The following TENM4 variants were observed in gnomAD, a reference collection of about 807,000 sequenced individuals.
TENM4 encodes teneurin transmembrane protein 4.
Under a neutral mutation model 243.3 loss-of-function variants are expected in TENM4, and 82 were observed. The ratio of observed to expected loss-of-function variants is 0.34; its 90% CI spans 0.28 to 0.40. The LOEUF (loss-of-function observed/expected upper bound fraction) is 0.40. Ranked by LOEUF, TENM4 falls within the 10% of genes least tolerant of loss-of-function variation. The probability of loss-of-function intolerance (pLI) is 1.00; values close to 1 mark genes in which losing one functional copy is unlikely to be tolerated. For missense variants in TENM4, 3,138 were observed against 3,673.3 expected, an observed-to-expected ratio of 0.85 and a Z score of 3.77; for synonymous variants, 1,412 against 1,456.3, an observed-to-expected ratio of 0.97 and a Z score of 0.69.
chr11:79,265,473 AAAC>A (rs1289740575), intron 2 of TENM4, among the ~76,000 whole-genome samples: 1 of 152,264 alleles, frequency 6.6e-6, no homozygotes, highest in Non-Finnish European at 1.5e-5. Flanking sequence ...TTAAATTTTT[AAAC>A]AAATTACATG....
At chr11:78,824,417 C>T (rs1239079124) in intron 12 of TENM4, among the ~76,000 whole-genome samples, 1 of 151,924 alleles carries the variant, frequency 6.6e-6, no homozygotes, top group African/African-American at 2.4e-5. Context: ...AGGACAGTAC[C>T]GAGGGGGATA....
rs573541267 is a variant in TENM4 at position 79,193,155 on chromosome 11, G to A, written c.-163+22653C>T. 1.7e-4 allele frequency: 26 copies of A among 152,356 alleles called. 1 individual carries two copies. Among genetic ancestry groups the A allele is most frequent in the African/African-American group, 5.8e-4 (24 of 41,574 alleles). 9.4% of individuals were successfully genotyped at this position (152,356 alleles called of 1,614,324 possible). ...AGGACTGAAAAGAAGGCTTCATAAT[G>A]ATGGGTACCATTTCTGGAGCAGCTC... is the stretch of plus-strand genomic sequence containing the variant. On this transcript the variant is annotated intron_variant, in intron 3 of 33. Transcript: ENST00000278550.
At position 79,091,920 on chromosome 11, in the gene TENM4, A is replaced by T. The variant is rs149182590; in HGVS notation, c.-65-21911T>A. Among the ~76,000 whole-genome samples, 341 of 152,030 alleles carry T rather than the reference A, an allele frequency of 2.2e-3. 2 individuals carry two copies. The highest frequency in any genetic ancestry group is 7.8e-3 in the African/African-American group (322 of 41,452). ...GGCTGCCAGCTGTAATTCCTTCCTAACTTGGGAGTCACGCTTAAATCCTCC... is the reference window on the plus strand; with the variant it reads ...GGCTGCCAGCTGTAATTCCTTCCTATCTTGGGAGTCACGCTTAAATCCTCC... On this transcript the variant is annotated intron_variant, in intron 4 of 33. Transcript: ENST00000278550.
chr11:78,883,319 T>A (rs1251640310), intron 9 of TENM4, among the ~76,000 whole-genome samples: 1 of 152,172 alleles, frequency 6.6e-6, no homozygotes, highest in African/African-American at 2.4e-5. Context: ...ATACTATTAT[T>A]CCTCCCACTT....
At position 78,784,300 on chromosome 11, in the gene TENM4, C is replaced by T. The variant is rs555808802; in HGVS notation, c.2365+2598G>A. On this transcript the variant is annotated intron_variant, in intron 16 of 33. Transcript: ENST00000278550. The stretch of plus-strand genomic sequence containing the variant: ...ACCATCAAAGACTAAAAATGGATTT[C>T]CCCTTCTCATTTCTATTTCAACAAG... Among the ~76,000 whole-genome samples, 8 of 152,256 alleles carry T rather than the reference C, an allele frequency of 5.3e-5. No individual in the cohort carries two copies. In the South Asian group the frequency reaches 1.5e-3, roughly 28 times the overall value.
chr11:79,067,610 C>T (rs764926926), intron 5 of TENM4, among the ~76,000 whole-genome samples: 130 of 35,684 alleles, frequency 3.6e-3, no homozygotes, highest in Admixed American at 9.7e-3. Flanking sequence ...TAAGACATCT[C>T]GGGACTAGGA....
intron 1 of TENM4, among the ~76,000 whole-genome samples, chr11:79,394,856 G>T (rs1858308707): frequency 1.3e-5 from 2 of 152,156 alleles, no homozygotes; most frequent in Middle Eastern, 3.2e-3. Context: ...AGATAGCCAT[G>T]TGAGGGCGGA....
intron 1 of TENM4, among the ~76,000 whole-genome samples, chr11:79,368,738 T>C (rs1324419865): frequency 6.6e-6 from 1 of 152,240 alleles, no homozygotes; most frequent in Non-Finnish European, 1.5e-5. Context: ...GAGTGAATAA[T>C]GCAGATAAGG....
rs527368773 is a variant in TENM4, at chr11:79,382,027, G to T, written c.-321+58482C>A. ...GTCACATTTAGGGAGCATTTGGCAC[G>T]TGCCAGATATGGTGGTAGAATATTT... On this transcript the variant is annotated intron_variant, in intron 1 of 33. Transcript: ENST00000278550. 7.3e-4 allele frequency among the ~76,000 whole-genome samples: 111 copies of T among 152,298 alleles called. 3 individuals are homozygous for T. In the South Asian group the frequency reaches 0.023, roughly 31 times the overall value.
At chr11:79,368,450 T>G (rs1255437024) in intron 1 of TENM4, among the ~76,000 whole-genome samples, 1 of 152,174 alleles carries the variant, frequency 6.6e-6, no homozygotes, top group Non-Finnish European at 1.5e-5. Flanking sequence ...TGGCCAACAT[T>G]CCATACATGC....
At chr11:79,212,072 G>A (rs545526499) in intron 3 of TENM4, among the ~76,000 whole-genome samples, 2 of 152,194 alleles carry the variant, frequency 1.3e-5, no homozygotes, top group African/African-American at 2.4e-5. Flanking sequence ...CTAAACAGAC[G>A]ACTCAGTCTC....
chr11:79,127,099 A>T (rs1861895454), intron 4 of TENM4, among the ~76,000 whole-genome samples: 1 of 152,090 alleles, frequency 6.6e-6, no homozygotes, highest in African/African-American at 2.4e-5. Flanking sequence ...GCTAGAATGC[A>T]TAATTGGCAT....
Position 78,771,118 on chromosome 11 carries a change from T to G in TENM4, c.2413A>C (p.Asn805His), listed in dbSNP as rs941127675. 6.4e-6 allele frequency: 10 copies of G among 1,570,976 alleles called. No individual in the cohort carries two copies. Among genetic ancestry groups the G allele is most frequent in the Non-Finnish European group, 8.6e-6 (10 of 1,157,884 alleles). The change falls in exon 18 of 34, where the codon AAT becomes CAT. Residue 805 changes from asparagine (N) to histidine (H), a missense_variant. This residue lies in a region of TENM4 where 2,467 missense variants were observed against 3,059.1 expected (regional missense o/e 0.81). Coordinates refer to ENST00000278550, the MANE Select transcript of TENM4 (RefSeq NM_001098816.3). ...TCTAAGGTACATCTGCCGTTGCCAT[T>G]GCACAACCCAGGGCAACCCTCTGAA... The part of the protein sequence containing the change: ...VVKEGCPGLC[N>H]GNGRCTLDLN...
Position 78,702,279 on chromosome 11 carries a change from G to A in TENM4, c.4334C>T (p.Pro1445Leu). The A allele has an allele frequency of 6.2e-7, 1 of 1,614,030 alleles. No homozygotes were observed. The highest frequency in any genetic ancestry group is 8.5e-7 in the Non-Finnish European group (1 of 1,179,890). ...AATGCCAGGGACCTGGCAGTGCATG[G>A]GCCTCCCGGCGACAATGCGCACCTG... The part of the protein sequence containing the change: ...NHQVRIVAGR[P>L]MHCQVPGIDH... The change falls in exon 28 of 34, where the codon CCC (proline) becomes CTC (leucine). Residue 1445 changes from proline to leucine, a missense_variant. This residue lies in a region of TENM4 where 2,467 missense variants were observed against 3,059.1 expected (regional missense o/e 0.81). Coordinates refer to ENST00000278550, the MANE Select transcript of TENM4 (RefSeq NM_001098816.3).
intron 10 of TENM4, among the ~76,000 whole-genome samples, chr11:78,857,411 C>G (rs1416673218): frequency 6.6e-6 from 1 of 152,112 alleles, no homozygotes; most frequent in Non-Finnish European, 1.5e-5. Flanking sequence ...TGTAAGACTC[C>G]TTACAAAGCA....
chr11:79,092,537 CAG>C (rs1262487095), intron 4 of TENM4, among the ~76,000 whole-genome samples: 1 of 152,172 alleles, frequency 6.6e-6, no homozygotes, highest in Non-Finnish European at 1.5e-5. Context: ...ACATGGCTAG[CAG>C]AGTGTGCACA....
chr11:79,085,393 GGTT>G (rs1197614161), intron 4 of TENM4, among the ~76,000 whole-genome samples: 5 of 146,960 alleles, frequency 3.4e-5, no homozygotes, highest in East Asian at 2.0e-4. Flanking sequence ...AAAAAAGGGG[GGTT>G]TTTTTTTTGG....
At position 79,379,943 on chromosome 11, in the gene TENM4, A is replaced by T. The variant is rs79682622; in HGVS notation, c.-321+60566T>A. On this transcript the variant is annotated intron_variant, in intron 1 of 33. Coordinates refer to ENST00000278550, the MANE Select transcript of TENM4 (RefSeq NM_001098816.3). ...GCTTGTCAGGGGCTGGGGGATCAAG[A>T]GCTCTGCTTTAGACATGTTGAGTTC... Among the ~76,000 whole-genome samples the T allele has an allele frequency of 8.3e-4, 127 of 152,192 alleles. 1 individual carries two copies. The highest frequency in any genetic ancestry group is 2.9e-3 in the African/African-American group (120 of 41,508).
intron 1 of TENM4, among the ~76,000 whole-genome samples, chr11:79,327,836 C>T (rs978208087): frequency 6.6e-6 from 1 of 152,020 alleles, no homozygotes; most frequent in East Asian, 1.9e-4. Flanking sequence ...CTTTTAAATG[C>T]CAGTAAAATG....
Sources: allele counts gnomAD v4.1 joint callset (sites outside exome capture counted in the v4.1 genomes callset), GRCh38; gene constraint gnomAD v4.1.1; regional missense constraint gnomAD v4.1.1; transcripts MANE v1.5; gene names NCBI Gene and HGNC (gene_info 2026-07-23, HGNC 2026-07-21).